Variants in KCNH1 observed in about 807,000 individuals in gnomAD.
KCNH1 encodes potassium voltage-gated channel subfamily H member 1, also known as voltage-gated delayed rectifier potassium channel KCNH1.
In KCNH1, 27 loss-of-function variants were observed where a neutral mutation model predicts 69.2. The ratio of observed to expected loss-of-function variants is 0.39; its 90% CI spans 0.29 to 0.54. KCNH1 has a LOEUF of 0.54. KCNH1 is among the 20% of genes least tolerant of loss of function. The pLI, the probability that KCNH1 is intolerant of heterozygous loss-of-function variation, is 0.68. For missense variants in KCNH1, 798 were observed against 1,261.6 expected (o/e 0.63, Z 5.57); for synonymous variants, 456 against 487.7 (o/e 0.93, Z 0.86).
At chr1:210,792,449 C>G (rs1684228877) in intron 9 of KCNH1, among the ~76,000 whole-genome samples, 1 of 152,040 alleles carries the variant, frequency 6.6e-6, no homozygotes, top group South Asian at 2.1e-4. Flanking sequence ...GTGCTAGGTG[C>G]TGGAGATAAG....
chr1:210,892,515 A>G (rs555180868), intron 7 of KCNH1, among the ~76,000 whole-genome samples: 80 of 152,312 alleles, frequency 5.3e-4, no homozygotes, highest in South Asian at 3.7e-3. Context: ...CCTCCATCCC[A>G]GCATGGGTCA....
rs1326136240 is a variant in KCNH1 at position 210,679,050 on chromosome 1, G to T, written c.*4231C>A. On this transcript the variant is annotated 3_prime_UTR_variant, in exon 11 of 11. Coordinates refer to ENST00000271751, the MANE Select transcript of KCNH1 (RefSeq NM_172362.3). ...CACATTGATTCTTTTGAGCTGTAGG[G>T]GGTAGAAATTAAAACTTCTCAACAT... 6.6e-6 allele frequency: 1 copy of T among 152,210 alleles called. No homozygotes were observed. The highest frequency in any genetic ancestry group is 2.4e-5 in the African/African-American group (1 of 41,448). The allele number at this position is 152,210 out of a possible 1,614,324, so 9.4% of individuals were successfully genotyped here.
chr1:210,808,631 A>G (rs1684636095), intron 7 of KCNH1, among the ~76,000 whole-genome samples: 1 of 152,042 alleles, frequency 6.6e-6, no homozygotes, highest in Non-Finnish European at 1.5e-5. Flanking sequence ...CCTGGCCTCA[A>G]GCAGTCCTCC....
At chr1:210,981,740 T>C (rs777534559) in intron 6 of KCNH1, among the ~76,000 whole-genome samples, 1 of 152,118 alleles carries the variant, frequency 6.6e-6, no homozygotes, top group Non-Finnish European at 1.5e-5. Context: ...GGCAAACTTG[T>C]GGAGACTTTT....
chr1:211,075,122 T>A (rs1479495029), intron 5 of KCNH1, among the ~76,000 whole-genome samples: 1 of 151,908 alleles, frequency 6.6e-6, no homozygotes, highest in Admixed American at 6.6e-5. Context: ...GAGAGGAGGT[T>A]TTTCTATTAA....
At chr1:211,035,225 G>A (rs757231943) in intron 5 of KCNH1, among the ~76,000 whole-genome samples, 2 of 144,824 alleles carry the variant, frequency 1.4e-5, no homozygotes, top group African/African-American at 5.1e-5. Context: ...AAACCATAGG[G>A]TACTGGCATT....
In KCNH1 at chr1:211,064,282, C is replaced by T. The variant is rs547019428; in HGVS notation, c.558+18498G>A. On this transcript the variant is annotated intron_variant, in intron 5 of 10. Transcript: ENST00000271751. ...GGTTAAAAAAATCAAGTGAATTGGCCGGGCACGGTGGCTCACGCCTGCAAT... is the reference window on the plus strand; with the variant it reads ...GGTTAAAAAAATCAAGTGAATTGGCTGGGCACGGTGGCTCACGCCTGCAAT... Among the ~76,000 whole-genome samples, 189 of 152,238 alleles carry T rather than the reference C, an allele frequency of 1.2e-3. 1 individual carries two copies. Among genetic ancestry groups the T allele is most frequent in the African/African-American group, 4.3e-3 (178 of 41,542 alleles).
rs562060747 is a variant in KCNH1 at position 211,090,892 on chromosome 1, G to C, written c.311-202C>G. Among the ~76,000 whole-genome samples the C allele has an allele frequency of 9.8e-4, 149 of 152,222 alleles. 5 individuals carry two copies. The South Asian group carries it at 0.03, about 31-fold the overall frequency. On this transcript the variant is annotated intron_variant, in intron 3 of 10. Coordinates refer to ENST00000271751, the MANE Select transcript of KCNH1 (RefSeq NM_172362.3). ...TTTCACAGTGACTATTCAGTGAGGGGTTTCTCCTGTTCAACTAATTTTCCA... is the reference window on the plus strand; with the variant it reads ...TTTCACAGTGACTATTCAGTGAGGGCTTTCTCCTGTTCAACTAATTTTCCA...
intron 5 of KCNH1, among the ~76,000 whole-genome samples, chr1:211,054,689 C>A (rs1439025901): frequency 6.6e-6 from 1 of 151,976 alleles, no homozygotes; most frequent in African/African-American, 2.4e-5. Context: ...GCGCTAGAAG[C>A]AGTTAAAGTT....
Position 211,081,401 on chromosome 1 carries a change from A to G in KCNH1, c.558+1379T>C, listed in dbSNP as rs544752301. 2.6e-5 allele frequency among the ~76,000 whole-genome samples: 4 copies of G among 152,344 alleles called. No individual in the cohort carries two copies. In the South Asian group the frequency reaches 8.3e-4, roughly 32 times the overall value. ...TAAACTAGCTCAACCATTGTGGAAG[A>G]CAGTGTGGTGATTCCTCAAGGATCT... On this transcript the variant is annotated intron_variant, in intron 5 of 10. Coordinates refer to ENST00000271751, the MANE Select transcript of KCNH1 (RefSeq NM_172362.3).
chr1:211,119,273 T>G (rs1691644361), intron 1 of KCNH1, among the ~76,000 whole-genome samples: 1 of 152,052 alleles, frequency 6.6e-6, no homozygotes, highest in Non-Finnish European at 1.5e-5. Context: ...GGCAGGAGAA[T>G]GGTGTGAACC....
chr1:211,043,508 C>T (rs1690039988), intron 5 of KCNH1, among the ~76,000 whole-genome samples: 1 of 152,080 alleles, frequency 6.6e-6, no homozygotes, highest in Non-Finnish European at 1.5e-5. Flanking sequence ...AAATTCACAG[C>T]TGAATTCTAC....
At chr1:210,860,850 G>T in intron 7 of KCNH1, 1 of 915,656 alleles carries the variant, frequency 1.1e-6, no homozygotes, top group Non-Finnish European at 1.8e-6. Flanking sequence ...GAAGTACTCA[G>T]CAAGCCCTTG....
chr1:210,696,705 G>A (rs943995464), intron 10 of KCNH1, among the ~76,000 whole-genome samples: 3 of 152,130 alleles, frequency 2.0e-5, no homozygotes, highest in South Asian at 2.1e-4. Flanking sequence ...AATTTCTCTC[G>A]GTTTCCTTGG....
intron 10 of KCNH1, among the ~76,000 whole-genome samples, chr1:210,717,134 T>C (rs1682276996): frequency 6.6e-6 from 1 of 152,130 alleles, no homozygotes; most frequent in African/African-American, 2.4e-5. Context: ...TGAGATACCA[T>C]GAGAAGAAAA....
At chr1:210,710,888 C>G (rs1682057697) in intron 10 of KCNH1, among the ~76,000 whole-genome samples, 1 of 152,202 alleles carries the variant, frequency 6.6e-6, no homozygotes, top group African/African-American at 2.4e-5. Context: ...CCACTGCACT[C>G]TACAGCAAAC....
At chr1:210,994,636 C>A (rs1688993458) in intron 6 of KCNH1, among the ~76,000 whole-genome samples, 1 of 152,248 alleles carries the variant, frequency 6.6e-6, no homozygotes, top group South Asian at 2.1e-4. Context: ...ATCTGGTTAG[C>A]ACAAAAACAT....
intron 9 of KCNH1, among the ~76,000 whole-genome samples, chr1:210,797,077 C>T (rs1684329482): frequency 6.6e-6 from 1 of 151,508 alleles, no homozygotes; most frequent in Non-Finnish European, 1.5e-5. Context: ...TGAGTTTCTC[C>T]CTCTGAAAGG....
At position 210,929,595 on chromosome 1, in the gene KCNH1, G is replaced by A. The variant is rs540170841; in HGVS notation, c.1033-9526C>T. On this transcript the variant is annotated intron_variant, in intron 6 of 10. Coordinates refer to ENST00000271751, the MANE Select transcript of KCNH1 (RefSeq NM_172362.3). The stretch of plus-strand genomic sequence containing the variant: ...CACACAGAACAGGGAAAAGTTGAAC[G>A]CATTCCCTCATGAGAACTGGAACAA... 2.8e-4 allele frequency among the ~76,000 whole-genome samples: 42 copies of A among 152,198 alleles called. No individual in the cohort carries two copies. In the South Asian group the frequency reaches 7.1e-3, roughly 26 times the overall value.
Sources: allele counts gnomAD v4.1 joint callset (sites outside exome capture counted in the v4.1 genomes callset), GRCh38; gene constraint gnomAD v4.1.1; transcripts MANE v1.5; gene names NCBI Gene and HGNC (gene_info 2026-07-23, HGNC 2026-07-21).